NAV2: variants seen among roughly 807,000 people sequenced by gnomAD.
NAV2 encodes the protein neuron navigator 2.
NAV2 carries 54 observed loss-of-function variants against 223.2 expected under a neutral mutation model. The observed-to-expected ratio is 0.24, with a 90% CI of 0.19 to 0.30. The LOEUF (loss-of-function observed/expected upper bound fraction) is 0.30. Among genes scored for constraint, NAV2 ranks in the 10% least tolerant of loss-of-function variants. The pLI, the probability that NAV2 is intolerant of heterozygous loss-of-function variation, is 1.00. For synonymous variants in NAV2, 1,279 were observed against 1,239.3 expected (o/e 1.03, Z -0.67); for missense variants, 2,806 against 3,147.5 (o/e 0.89, Z 2.60).
chr11:20,034,636 C>T (rs567462968), intron 11 of NAV2, among the ~76,000 whole-genome samples: 1 of 152,354 alleles, frequency 6.6e-6, no homozygotes, highest in Non-Finnish European at 1.5e-5. Context: ...CCCGCCTTGG[C>T]TTCCCAAAGT....
At chr11:20,102,148 G>GGT (rs943154791) in intron 32 of NAV2, among the ~76,000 whole-genome samples, 5 of 152,122 alleles carry the variant, frequency 3.3e-5, no homozygotes, top group African/African-American at 1.2e-4. Context: ...CTTCTCCTGG[G>GGT]ACCAGTAAGT....
chr11:20,033,128 C>A (rs1202627620), intron 11 of NAV2, among the ~76,000 whole-genome samples: 5 of 152,214 alleles, frequency 3.3e-5, no homozygotes, highest in African/African-American at 1.2e-4. Context: ...AACCCAGTTC[C>A]AACACTGAAT....
intron 1 of NAV2, among the ~76,000 whole-genome samples, chr11:19,828,480 G>A (rs796610084): frequency 2.3e-5 from 2 of 88,170 alleles, no homozygotes; most frequent in Non-Finnish European, 5.3e-5. Flanking sequence ...TTAGAATTAC[G>A]TTTTCAAGGT....
At chr11:20,073,651 G>C (rs962469537) in intron 22 of NAV2, among the ~76,000 whole-genome samples, 2 of 152,062 alleles carry the variant, frequency 1.3e-5, no homozygotes, top group East Asian at 1.9e-4. Flanking sequence ...ACTTCTTCCT[G>C]GTTTAGTCTT....
intron 1 of NAV2, among the ~76,000 whole-genome samples, chr11:19,705,817 C>T (rs985755340): frequency 1.3e-5 from 2 of 151,992 alleles, no homozygotes; most frequent in Non-Finnish European, 2.9e-5. Context: ...TGTTTTTTGT[C>T]CTCCTCAGTA....
At chr11:19,638,571 A>T (rs547131339) in intron 1 of NAV2, among the ~76,000 whole-genome samples, 5 of 152,244 alleles carry the variant, frequency 3.3e-5, no homozygotes, top group Admixed American at 2.0e-4. Flanking sequence ...AAGGTCTTAT[A>T]TGCATTAACT....
chr11:19,436,055 G>A (rs1851204421), intron 1 of NAV2, among the ~76,000 whole-genome samples: 1 of 151,800 alleles, frequency 6.6e-6, no homozygotes. Context: ...CTTTGTTGTG[G>A]AGCTTTTTAG....
intron 1 of NAV2, chr11:19,777,421 C>T: frequency 2.3e-6 from 1 of 441,320 alleles, no homozygotes; most frequent in Non-Finnish European, 4.5e-6. Context: ...TTTTTTTTCC[C>T]CTCCTCCTTT....
chr11:19,350,871 C>T, exon 1 of NAV2: 5 of 1,357,144 alleles, frequency 3.7e-6, no homozygotes, highest in Non-Finnish European at 5.2e-6. Flanking sequence ...CTGTTGCATG[C>T]ATCACTTTTG....
chr11:19,445,252 A>C (rs1851541675), intron 1 of NAV2, among the ~76,000 whole-genome samples: 1 of 152,152 alleles, frequency 6.6e-6, no homozygotes. Context: ...GGTGACCAGA[A>C]GGCTACATTT....
intron 11 of NAV2, among the ~76,000 whole-genome samples, chr11:19,990,572 T>C (rs1242416056): frequency 2.6e-5 from 4 of 152,036 alleles, no homozygotes; most frequent in Non-Finnish European, 5.9e-5. Flanking sequence ...GGTCTGTTCC[T>C]AATCTTCCCA....
At chr11:19,406,363 A>G (rs1048588720) in intron 1 of NAV2, among the ~76,000 whole-genome samples, 2 of 152,210 alleles carry the variant, frequency 1.3e-5, no homozygotes, top group Non-Finnish European at 2.9e-5. Flanking sequence ...AGACTAAACA[A>G]TACGAATGGG....
chr11:19,852,162 C>T (rs2585783), intron 3 of NAV2, among the ~76,000 whole-genome samples: 81,164 of 152,134 alleles, frequency 0.53, 22,563 homozygotes, highest in African/African-American at 0.71. Context: ...GATAATACAT[C>T]TGTATTGTTT....
intron 1 of NAV2, among the ~76,000 whole-genome samples, chr11:19,804,012 T>C (rs1291216676): frequency 6.6e-6 from 1 of 152,164 alleles, no homozygotes; most frequent in Non-Finnish European, 1.5e-5. Context: ...AGGTGATCTG[T>C]GGCCAATTTG....
At chr11:19,622,200 T>C (rs1049923407) in intron 1 of NAV2, among the ~76,000 whole-genome samples, 2 of 152,186 alleles carry the variant, frequency 1.3e-5, no homozygotes, top group Admixed American at 1.3e-4. Context: ...TTGGGATAAG[T>C]GTGATGTGGT....
chr11:19,778,796 C>T (rs986728780), intron 1 of NAV2, among the ~76,000 whole-genome samples: 1 of 152,190 alleles, frequency 6.6e-6, no homozygotes, highest in Non-Finnish European at 1.5e-5. Context: ...TTCCTGGAAT[C>T]TTTCTCCAAC....
chr11:19,769,347 G>A (rs569880343), intron 1 of NAV2, among the ~76,000 whole-genome samples: 3 of 152,314 alleles, frequency 2.0e-5, no homozygotes, highest in South Asian at 2.1e-4. Context: ...ATGGACCTGC[G>A]CAGAAGCCAA....
At chr11:19,647,520 C>T (rs1415871609) in intron 1 of NAV2, among the ~76,000 whole-genome samples, 1 of 152,052 alleles carries the variant, frequency 6.6e-6, no homozygotes, top group Non-Finnish European at 1.5e-5. Flanking sequence ...TGCATGACCC[C>T]CTTCTAGAGA....
intron 1 of NAV2, among the ~76,000 whole-genome samples, chr11:19,639,190 T>C (rs115516915): frequency 3.8e-4 from 58 of 152,308 alleles, no homozygotes; most frequent in African/African-American, 1.3e-3. Context: ...CCTAAAATGT[T>C]TGCTCAAAGA....
Sources: allele counts gnomAD v4.1 joint callset (sites outside exome capture counted in the v4.1 genomes callset), GRCh38; gene constraint gnomAD v4.1.1; transcripts MANE v1.5; gene names NCBI Gene and HGNC (gene_info 2026-07-23, HGNC 2026-07-21).